The following COLEC12 variants were observed in gnomAD, a reference collection of about 807,000 sequenced individuals.
COLEC12 encodes collectin-12.
Under a neutral mutation model 71.1 loss-of-function variants are expected in COLEC12, and 33 were observed. The observed-to-expected ratio is 0.46, with a 90% CI of 0.35 to 0.62. The LOEUF (loss-of-function observed/expected upper bound fraction) is 0.62. COLEC12 is among the 20% of genes least tolerant of loss of function. The pLI, the probability that COLEC12 is intolerant of heterozygous loss-of-function variation, is 0.00. For missense variants in COLEC12, 765 were observed against 916.1 expected (o/e 0.84, Z 2.13); for synonymous variants, 350 against 353.0 (o/e 0.99, Z 0.10).
At chr18:452,091 A>T (rs1916773884) in intron 2 of COLEC12, among the ~76,000 whole-genome samples, 1 of 152,244 alleles carries the variant, frequency 6.6e-6, no homozygotes, top group Non-Finnish European at 1.5e-5. Context: ...ATATCTTTAA[A>T]TGCCCAACTA....
chr18:483,399 C>CA (rs71174236), intron 1 of COLEC12, among the ~76,000 whole-genome samples: 15,538 of 81,086 alleles, frequency 0.19, 926 homozygotes, highest in Middle Eastern at 0.28. Context: ...GACTCCGTCT[C>CA]AAAAAAAAAA....
chr18:480,875 G>T lies in COLEC12; in HGVS notation c.8-118C>A. 1 of 899,884 alleles carries T rather than the reference G, an allele frequency of 1.1e-6. No homozygotes were observed. Among genetic ancestry groups the T allele is most frequent in the Non-Finnish European group, 1.9e-6 (1 of 535,350 alleles). The allele number at this position is 899,884 out of a possible 1,614,324, so 55.7% of individuals were successfully genotyped here. A position where few individuals can be genotyped will look rare whatever the true frequency, so the allele number is the denominator to read the frequency against. On this transcript the variant is annotated intron_variant, in intron 1 of 9. Coordinates refer to ENST00000400256, the MANE Select transcript of COLEC12 (RefSeq NM_130386.3). The surrounding 1 kb of genome is among the most constrained non-coding windows in gnomAD (Gnocchi z 4.1). ...TGTCACAGCAGCTTTCCTTCTGCTC[G>T]TGGATCGCACCAGGCTTTCTGGAAG... is the stretch of plus-strand genomic sequence containing the variant.
chr18:441,509 C>A (rs1916535174), intron 2 of COLEC12, among the ~76,000 whole-genome samples: 1 of 152,056 alleles, frequency 6.6e-6, no homozygotes, highest in Non-Finnish European at 1.5e-5. Flanking sequence ...GTGCAGCGTA[C>A]AGACTCTAGA....
chr18:414,469 A>G (rs1330540467), intron 2 of COLEC12, among the ~76,000 whole-genome samples: 1 of 152,062 alleles, frequency 6.6e-6, no homozygotes, highest in Admixed American at 6.6e-5. Context: ...ATGGTGGCAC[A>G]TGCCTGTAAT....
Position 378,179 on chromosome 18 carries a change from T to C in COLEC12, c.59-20657A>G, listed in dbSNP as rs982498997. Among the ~76,000 whole-genome samples, 4 of 152,242 alleles carry C rather than the reference T, an allele frequency of 2.6e-5. No individual in the cohort carries two copies. In the South Asian group the frequency reaches 6.2e-4, roughly 24 times the overall value. Reference sequence around the variant, plus strand: ...TTTAAAAAAATACCACTGCAGTTACTTGTGGGTGGAATCTCCCGGGCAGCC... The same window carrying C: ...TTTAAAAAAATACCACTGCAGTTACCTGTGGGTGGAATCTCCCGGGCAGCC... On this transcript the variant is annotated intron_variant, in intron 2 of 9. Coordinates refer to ENST00000400256, the MANE Select transcript of COLEC12 (RefSeq NM_130386.3).
At chr18:401,582 G>A (rs781695243) in intron 2 of COLEC12, among the ~76,000 whole-genome samples, 12 of 152,326 alleles carry the variant, frequency 7.9e-5, no homozygotes, top group South Asian at 2.1e-4. Context: ...CGACTGCCTC[G>A]GACTAGAAGC....
At chr18:404,378 G>A (rs896253000) in intron 2 of COLEC12, among the ~76,000 whole-genome samples, 2 of 152,192 alleles carry the variant, frequency 1.3e-5, no homozygotes, top group Non-Finnish European at 2.9e-5. Context: ...TATGTTTAAA[G>A]GTATTATCAG....
At chr18:445,701 T>C (rs1345307601) in intron 2 of COLEC12, among the ~76,000 whole-genome samples, 1 of 150,388 alleles carries the variant, frequency 6.6e-6, no homozygotes, top group Admixed American at 6.7e-5. Context: ...GGTGCAATCT[T>C]GGCTCACTGC....
chr18:350,801 G>T (rs535612057), intron 3 of COLEC12, among the ~76,000 whole-genome samples: 2 of 151,834 alleles, frequency 1.3e-5, no homozygotes, highest in African/African-American at 4.8e-5. Context: ...GGTGGTACAC[G>T]CCTGTAACCT....
chr18:446,511 G>C (rs954250740), intron 2 of COLEC12, among the ~76,000 whole-genome samples: 2 of 150,228 alleles, frequency 1.3e-5, no homozygotes, highest in Non-Finnish European at 3.0e-5. Flanking sequence ...AGACCAGCCT[G>C]GGCAACATAG....
intron 2 of COLEC12, among the ~76,000 whole-genome samples, chr18:377,846 T>A (rs1915146441): frequency 6.6e-6 from 1 of 151,412 alleles, no homozygotes; most frequent in Non-Finnish European, 1.5e-5. Flanking sequence ...TAGGAAGCAC[T>A]CACTCCTGGG....
chr18:467,674 T>G (rs1253753432), intron 2 of COLEC12, among the ~76,000 whole-genome samples: 1 of 152,202 alleles, frequency 6.6e-6, no homozygotes, highest in Non-Finnish European at 1.5e-5. Flanking sequence ...TTATGAAGCT[T>G]GGAAGGAAAA....
At chr18:325,455 G>C (rs34039285) in intron 8 of COLEC12, among the ~76,000 whole-genome samples, 46,718 of 151,466 alleles carry the variant, frequency 0.31, 8,307 homozygotes, top group East Asian at 0.65. Context: ...GGGTAGGCAA[G>C]AGAGGCCTTA....
At chr18:450,299 T>C (rs1208486252) in intron 2 of COLEC12, among the ~76,000 whole-genome samples, 1 of 152,202 alleles carries the variant, frequency 6.6e-6, no homozygotes, top group Non-Finnish European at 1.5e-5. Context: ...TGTCGATTTG[T>C]AATCCCCAAT....
intron 1 of COLEC12, among the ~76,000 whole-genome samples, chr18:493,467 A>G (rs1917654477): frequency 6.6e-6 from 1 of 152,230 alleles, no homozygotes; most frequent in Non-Finnish European, 1.5e-5. Flanking sequence ...TGAAATATGA[A>G]CTATAATTCA....
chr18:329,407 C>T (rs564188705), intron 8 of COLEC12, among the ~76,000 whole-genome samples: 13 of 152,168 alleles, frequency 8.5e-5, no homozygotes, highest in Non-Finnish European at 1.5e-4. Context: ...AAGACCCCGG[C>T]GCTCTTGGCT....
intron 2 of COLEC12, among the ~76,000 whole-genome samples, chr18:431,212 G>C (rs939687508): frequency 6.6e-6 from 1 of 150,602 alleles, no homozygotes; most frequent in Non-Finnish European, 1.5e-5. Flanking sequence ...TATATTGCCC[G>C]GGCTGGTCTT....
At position 491,781 on chromosome 18, in the gene COLEC12, T is replaced by C. The variant is rs147822613; in HGVS notation, c.7+8727A>G. Among the ~76,000 whole-genome samples, 42 of 152,326 alleles carry C rather than the reference T, an allele frequency of 2.8e-4. 1 individual carries two copies. In the East Asian group the frequency reaches 7.7e-3, roughly 28 times the overall value. On this transcript the variant is annotated intron_variant, in intron 1 of 9. Transcript: ENST00000400256. ...GTACCTGGTTGATATTGATGAAAAT[T>C]TATCTTAACGTATTTTGGGCTGTAA...
chr18:494,899 G>A (rs189797868), intron 1 of COLEC12, among the ~76,000 whole-genome samples: 1 of 152,206 alleles, frequency 6.6e-6, no homozygotes, highest in East Asian at 1.9e-4. Context: ...GAAGCATAAA[G>A]GAGTCATGTT....
Sources: allele counts gnomAD v4.1 joint callset (sites outside exome capture counted in the v4.1 genomes callset), GRCh38; gene constraint gnomAD v4.1.1; non-coding constraint Gnocchi (gnomAD v3.1); transcripts MANE v1.5; gene names NCBI Gene and HGNC (gene_info 2026-07-23, HGNC 2026-07-21).